LIPA: variants seen among roughly 807,000 people sequenced by gnomAD.
The protein encoded by LIPA is lysosomal acid lipase/cholesteryl ester hydrolase.
In LIPA, 26 loss-of-function variants were observed where a neutral mutation model predicts 40.6. The ratio of observed to expected loss-of-function variants is 0.64; its 90% confidence interval spans 0.47 to 0.89. The LOEUF (loss-of-function observed/expected upper bound fraction) is 0.89. Ranked by LOEUF, LIPA falls within the 40% of genes least tolerant of loss-of-function variation. LIPA has a pLI of 0.00. For synonymous variants in LIPA, 188 were observed against 168.4 expected (o/e 1.12, Z -0.90); for missense variants, 455 against 479.6 (o/e 0.95, Z 0.48).
intron 1 of LIPA, among the ~76,000 whole-genome samples, chr10:89,305,738 C>A (rs906471343): frequency 6.6e-6 from 1 of 152,154 alleles, no homozygotes; most frequent in Non-Finnish European, 1.5e-5. Flanking sequence ...GAGAACAACC[C>A]ACTGCCCTCG....
upstream of LIPA, among the ~76,000 whole-genome samples, chr10:89,253,931 G>C (rs1459058356): frequency 6.6e-6 from 1 of 152,236 alleles, no homozygotes; most frequent in Non-Finnish European, 1.5e-5. Context: ...CTCACATCCA[G>C]GTCACACTGA....
At chr10:89,309,012 C>G (rs1474886227) in intron 1 of LIPA, 1 of 152,150 alleles carries the variant, frequency 6.6e-6, no homozygotes, top group Non-Finnish European at 1.5e-5. Context: ...CAGGTGTGAA[C>G]CAAATCCAAA....
chr10:89,413,157 T>G (rs912542249), intron 1 of LIPA, among the ~76,000 whole-genome samples: 8 of 152,262 alleles, frequency 5.3e-5, no homozygotes, highest in Admixed American at 3.3e-4. Flanking sequence ...CTGGAAATAC[T>G]TGCTCTGTAT....
intron 2 of LIPA, among the ~76,000 whole-genome samples, chr10:89,397,922 C>T (rs887521562): frequency 2.0e-5 from 3 of 152,182 alleles, no homozygotes; most frequent in African/African-American, 7.2e-5. Flanking sequence ...ACATATATAA[C>T]ATAAAATCCA....
intron 1 of LIPA, among the ~76,000 whole-genome samples, chr10:89,261,378 G>A (rs1158945190): frequency 2.0e-5 from 3 of 152,192 alleles, no homozygotes; most frequent in South Asian, 4.1e-4. Flanking sequence ...GATGGCGGAC[G>A]CCTGTAATCC....
At chr10:89,349,905 G>A (rs1843947560) in intron 2 of LIPA, among the ~76,000 whole-genome samples, 1 of 152,178 alleles carries the variant, frequency 6.6e-6, no homozygotes, top group South Asian at 2.1e-4. Context: ...CTGCCTGAAA[G>A]CAGAATATAA....
upstream of LIPA, among the ~76,000 whole-genome samples, chr10:89,255,871 A>C (rs1336469880): frequency 6.6e-6 from 1 of 152,230 alleles, no homozygotes; most frequent in Non-Finnish European, 1.5e-5. Context: ...GGACATGGTT[A>C]CACAGGTAAT....
chr10:89,391,150 T>C (rs1844246356), intron 2 of LIPA, among the ~76,000 whole-genome samples: 1 of 152,256 alleles, frequency 6.6e-6, no homozygotes, highest in African/African-American at 2.4e-5. Context: ...CACCTGCTCC[T>C]CTTCTGCTTC....
chr10:89,272,070 T>TAA (rs200777645), intron 1 of LIPA, among the ~76,000 whole-genome samples: 76 of 148,456 alleles, frequency 5.1e-4, no homozygotes, highest in African/African-American at 1.4e-3. Context: ...GACTCTGTCT[T>TAA]AAAAAAAAAA....
At chr10:89,227,468 C>G (rs188848522) in intron 4 of LIPA, among the ~76,000 whole-genome samples, 22 of 152,334 alleles carry the variant, frequency 1.4e-4, no homozygotes, top group African/African-American at 5.3e-4. Context: ...GTTAAAAGCT[C>G]TCATTCTTGT....
chr10:89,306,241 C>A, intron 1 of LIPA: 1 of 1,614,106 alleles, frequency 6.2e-7, no homozygotes, highest in South Asian at 1.1e-5. Flanking sequence ...GAAGTCTGGT[C>A]ACCTGGGGAA....
intron 1 of LIPA, among the ~76,000 whole-genome samples, chr10:89,334,530 C>A: frequency 1.3e-5 from 1 of 75,388 alleles, no homozygotes. Context: ...GAGTTTTGCT[C>A]TTTCGCCCAG....
chr10:89,232,605 C>T (rs1026330499), intron 3 of LIPA, among the ~76,000 whole-genome samples: 1 of 152,080 alleles, frequency 6.6e-6, no homozygotes, highest in Non-Finnish European at 1.5e-5. Context: ...AAAGAGGGCC[C>T]TGGGGCAAGG....
chr10:89,410,288 C>T (rs1015128036), intron 2 of LIPA, among the ~76,000 whole-genome samples: 6 of 152,172 alleles, frequency 3.9e-5, no homozygotes, highest in African/African-American at 1.4e-4. Flanking sequence ...ACTTAGATAC[C>T]AGGTGCTACT....
At position 89,336,041 on chromosome 10, in the gene LIPA, C is replaced by T. The variant is rs141962915; in HGVS notation, c.-2+6570G>A. 1.6e-4 allele frequency among the ~76,000 whole-genome samples: 24 copies of T among 151,800 alleles called. 1 individual carries two copies. In the East Asian group the frequency reaches 4.1e-3, roughly 26 times the overall value. ...CTGTAATCCCAACACTTTGGTATGT[C>T]GAGGCAGAAGGATTGCTTGAGACCA... is the stretch of plus-strand genomic sequence containing the variant. On this transcript the variant is annotated intron_variant, in intron 1 of 5. Transcript: ENST00000282673.
intron 2 of LIPA, among the ~76,000 whole-genome samples, chr10:89,378,514 G>T (rs1844138990): frequency 6.6e-6 from 1 of 152,150 alleles, no homozygotes; most frequent in Admixed American, 6.5e-5. Flanking sequence ...GAGGCCTTTG[G>T]TGAAAAAATC....
At chr10:89,368,031 G>A (rs1221776333) in intron 2 of LIPA, among the ~76,000 whole-genome samples, 2 of 152,052 alleles carry the variant, frequency 1.3e-5, no homozygotes. Flanking sequence ...ACTATGCCCA[G>A]GCTAGTCTCA....
At chr10:89,411,863 T>C (rs1030578552) in intron 2 of LIPA, among the ~76,000 whole-genome samples, 3 of 152,202 alleles carry the variant, frequency 2.0e-5, no homozygotes, top group Admixed American at 1.3e-4. Context: ...ACCTCTGGAG[T>C]TGGGCAACAT....
At chr10:89,234,010 T>A (rs1231598557) in intron 3 of LIPA, among the ~76,000 whole-genome samples, 1 of 152,152 alleles carries the variant, frequency 6.6e-6, no homozygotes. Flanking sequence ...AGACACACGA[T>A]GACTGTCTAA....
Sources: allele counts gnomAD v4.1 joint callset (sites outside exome capture counted in the v4.1 genomes callset), GRCh38; gene constraint gnomAD v4.1.1; transcripts MANE v1.5; gene names NCBI Gene and HGNC (gene_info 2026-07-23, HGNC 2026-07-21).